The following CMIP variants were observed in gnomAD, a reference collection of about 807,000 sequenced individuals.
CMIP encodes the protein C-Maf-inducing protein.
In CMIP, 13 loss-of-function variants were observed where a neutral mutation model predicts 97.3. The observed-to-expected ratio is 0.13, with a 90% CI of 0.09 to 0.21. The LOEUF is 0.21. Among genes scored for constraint, CMIP ranks in the 10% least tolerant of loss-of-function variants. The pLI, the probability that CMIP is intolerant of heterozygous loss-of-function variation, is 1.00. For missense variants in CMIP, 847 were observed against 1,024.9 expected, an observed-to-expected ratio of 0.83 and a Z score of 2.37; for synonymous variants, 538 against 436.3, an observed-to-expected ratio of 1.23 and a Z score of -2.91.
chr16:81,662,597 C>G (rs895200644), intron 6 of CMIP, among the ~76,000 whole-genome samples: 3 of 152,206 alleles, frequency 2.0e-5, no homozygotes, highest in Non-Finnish European at 2.9e-5. Context: ...CTCTGCCAAA[C>G]TCCTGCCAAA....
At chr16:81,506,846 A>G (rs1214143792) in intron 1 of CMIP, among the ~76,000 whole-genome samples, 1 of 150,088 alleles carries the variant, frequency 6.7e-6, no homozygotes, top group African/African-American at 2.4e-5. Context: ...CGGAGGTGGC[A>G]GTGAGCTGAG....
chr16:81,503,779 C>G (rs1051083120), intron 1 of CMIP, among the ~76,000 whole-genome samples: 3 of 152,240 alleles, frequency 2.0e-5, no homozygotes, highest in Non-Finnish European at 2.9e-5. Flanking sequence ...AACCCACTGC[C>G]TTGTTCTGAG....
chr16:81,583,536 C>T (rs2091331581), intron 1 of CMIP, among the ~76,000 whole-genome samples: 1 of 152,202 alleles, frequency 6.6e-6, no homozygotes, highest in African/African-American at 2.4e-5. Flanking sequence ...CTCAATGAAA[C>T]TTGTCAATAG....
At chr16:81,552,955 T>C (rs1189056037) in intron 1 of CMIP, among the ~76,000 whole-genome samples, 1 of 152,194 alleles carries the variant, frequency 6.6e-6, no homozygotes, top group East Asian at 1.9e-4. Context: ...AGACTTCCAG[T>C]GCAGGGGGTT....
At chr16:81,549,622 T>C (rs2090614695) in intron 1 of CMIP, among the ~76,000 whole-genome samples, 1 of 152,126 alleles carries the variant, frequency 6.6e-6, no homozygotes, top group African/African-American at 2.4e-5. Flanking sequence ...TGAGACCTCC[T>C]CTTTATTTAT....
intron 1 of CMIP, among the ~76,000 whole-genome samples, chr16:81,477,383 A>G (rs1233320953): frequency 6.6e-6 from 1 of 151,928 alleles, no homozygotes; most frequent in Admixed American, 6.6e-5. Flanking sequence ...CTCGTCTCGA[A>G]CTCCTGGCCT....
chr16:81,500,958 A>G (rs1004891258), intron 1 of CMIP, among the ~76,000 whole-genome samples: 1 of 152,228 alleles, frequency 6.6e-6, no homozygotes, highest in African/African-American at 2.4e-5. Flanking sequence ...ATGAGAAATC[A>G]TTGGATTGCG....
intron 1 of CMIP, among the ~76,000 whole-genome samples, chr16:81,530,515 C>T (rs973889874): frequency 6.6e-6 from 1 of 152,084 alleles, no homozygotes; most frequent in Non-Finnish European, 1.5e-5. Context: ...GTCAGTGACT[C>T]ACCTGGCACC....
intron 1 of CMIP, among the ~76,000 whole-genome samples, chr16:81,448,180 A>G (rs1318094077): frequency 6.6e-5 from 10 of 151,786 alleles, no homozygotes; most frequent in African/African-American, 2.4e-4. Context: ...TACTTGAAAT[A>G]TCAGTCATCC....
intron 1 of CMIP, among the ~76,000 whole-genome samples, chr16:81,598,290 G>T (rs1203876141): frequency 2.6e-5 from 4 of 152,102 alleles, no homozygotes; most frequent in Non-Finnish European, 5.9e-5. Flanking sequence ...GCCTACAACA[G>T]AGCTGACCAA....
chr16:81,495,548 C>T lies in CMIP; in HGVS notation c.300+50007C>T. 3.1e-6 allele frequency: 5 copies of T among 1,588,706 alleles called. No individual in the cohort carries two copies. In the South Asian group the frequency reaches 4.5e-5, roughly 14 times the overall value. Reference sequence around the variant, plus strand: ...TCCAGCTTGATGTCTGTGCCTAAAACCTCGCCTGCTGCTGCTGGCCACAGG... The same window carrying T: ...TCCAGCTTGATGTCTGTGCCTAAAATCTCGCCTGCTGCTGCTGGCCACAGG... On this transcript the variant is annotated intron_variant, in intron 1 of 20. Coordinates refer to ENST00000537098, the MANE Select transcript of CMIP (RefSeq NM_198390.3).
In CMIP at chr16:81,711,260, A is replaced by C. The variant is rs1349902881; in HGVS notation, c.*1461A>C. 2 of 151,932 alleles carry C rather than the reference A, an allele frequency of 1.3e-5. No homozygotes were observed. The highest frequency in any genetic ancestry group is 2.9e-5 in the Non-Finnish European group (2 of 67,944). The allele number at this position is 151,932 out of a possible 1,614,324, so 9.4% of individuals were successfully genotyped here. On this transcript the variant is annotated 3_prime_UTR_variant, in exon 21 of 21. Coordinates refer to ENST00000537098, the MANE Select transcript of CMIP (RefSeq NM_198390.3). ...TCCGGCACCTCCAAACCTACCCCAC[A>C]GTCAGTGTACTTGTTTTATATATAT...
At chr16:81,550,998 G>A (rs1299889522) in intron 1 of CMIP, among the ~76,000 whole-genome samples, 3 of 136,034 alleles carry the variant, frequency 2.2e-5, no homozygotes, top group Non-Finnish European at 3.1e-5. Flanking sequence ...ACGCACCCCA[G>A]TCCCGTCACA....
At chr16:81,697,471 G>T (rs1018508338) in intron 14 of CMIP, 2 of 152,246 alleles carry the variant, frequency 1.3e-5, no homozygotes, top group Non-Finnish European at 2.9e-5. Flanking sequence ...TCCATTTACT[G>T]GTCACTGGTG....
intron 18 of CMIP, among the ~76,000 whole-genome samples, chr16:81,704,699 GTCACCCTCCTCCCTGCCCCC>G (rs1168293515): frequency 0.013 from 221 of 16,602 alleles, 3 homozygotes; most frequent in African/African-American, 0.049. Context: ...CCCTGCCCCC[GTCACCCTCCTCCCTGCCCCC>G]TCACCCTCCT....
Position 81,460,025 on chromosome 16 carries a change from T to A in CMIP, c.300+14484T>A, listed in dbSNP as rs138509718. Among the ~76,000 whole-genome samples, 157 of 152,298 alleles carry A rather than the reference T, an allele frequency of 1.0e-3. 5 individuals carry two copies. The East Asian group carries it at 0.028, about 27-fold the overall frequency. On this transcript the variant is annotated intron_variant, in intron 1 of 20. Transcript: ENST00000537098. ...GGAAGGGAAGTTCCTTTCCTTCCTG[T>A]TGTGTGAGGGCTAGGGGCACTGAGT...
At chr16:81,604,021 C>G (rs1223390183) in intron 1 of CMIP, among the ~76,000 whole-genome samples, 2 of 152,216 alleles carry the variant, frequency 1.3e-5, no homozygotes, top group African/African-American at 4.8e-5. Flanking sequence ...GGCCCAAACA[C>G]AAGTCTCCTT....
At chr16:81,560,647 C>T (rs2090864801) in intron 1 of CMIP, among the ~76,000 whole-genome samples, 1 of 152,244 alleles carries the variant, frequency 6.6e-6, no homozygotes, top group Non-Finnish European at 1.5e-5. Flanking sequence ...CCCAGAACAG[C>T]TTCCAGTCCT....
intron 14 of CMIP, chr16:81,697,133 A>G (rs1304944403): frequency 2.6e-5 from 5 of 194,594 alleles, no homozygotes; most frequent in Admixed American, 5.3e-5. Context: ...TCCCACTATC[A>G]TGAGGGGTCT....
Sources: gnomAD v4.1 joint callset for allele counts (sites outside exome capture counted in the v4.1 genomes callset) on GRCh38, gnomAD v4.1.1 for gene constraint, MANE v1.5 for transcripts, NCBI Gene and HGNC (gene_info 2026-07-23, HGNC 2026-07-21) for gene names.